Variants in RBFOX3 observed in about 807,000 individuals in gnomAD.
RBFOX3 encodes RNA binding fox-1 homolog 3.
In RBFOX3, 17 loss-of-function variants were observed where a neutral mutation model predicts 48.7. That is an observed-to-expected ratio of 0.35 (90% CI 0.24 to 0.52). RBFOX3 has a LOEUF of 0.52. Among genes scored for constraint, RBFOX3 ranks in the 20% least tolerant of loss-of-function variants. The probability of loss-of-function intolerance (pLI) is 0.94; values close to 1 mark genes in which losing one functional copy is unlikely to be tolerated. For missense variants in RBFOX3, 382 were observed against 497.5 expected, an observed-to-expected ratio of 0.77 and a Z score of 2.21; for synonymous variants, 212 against 209.5, an observed-to-expected ratio of 1.01 and a Z score of -0.10.
intron 4 of RBFOX3, among the ~76,000 whole-genome samples, chr17:79,215,220 G>T (rs951783480): frequency 1.3e-5 from 2 of 151,810 alleles, no homozygotes; most frequent in African/African-American, 4.9e-5. Flanking sequence ...GCCCCAGACT[G>T]CATGCTGCCG....
At chr17:79,652,256 A>G in the RBFOX3 span, among the ~76,000 whole-genome samples, 68 of 152,322 alleles carry the variant, frequency 4.5e-4, no homozygotes, top group African/African-American at 1.6e-3. Context: ...ATGAGAAAAG[A>G]TACTACATCC....
intron 2 of RBFOX3, among the ~76,000 whole-genome samples, chr17:79,440,993 A>C (rs1371883304): frequency 6.6e-6 from 1 of 152,264 alleles, no homozygotes; most frequent in African/African-American, 2.4e-5. Context: ...ATGTCCCGCC[A>C]GAGCTGGCTT....
chr17:79,158,050 TGGGGTCA>T (rs2145174913), intron 4 of RBFOX3, among the ~76,000 whole-genome samples: 1 of 152,286 alleles, frequency 6.6e-6, no homozygotes, highest in East Asian at 1.9e-4. Context: ...TACATTACAC[TGGGGTCA>T]TTAGGGTGGG....
chr17:79,356,348 GTTTTTTTTTTTTTTTTTTTTT>G lies in RBFOX3; in HGVS notation c.-174-48545_-174-48525del, dbSNP rs58040659. ...ACTTTTTCACTTTTAAAACAGGGAAGTTTTTTTTTTTTTTTTTTTTTTTTTTTTTTTTTTTTTTGAGGAGGA... is the reference window on the plus strand; with the variant it reads ...ACTTTTTCACTTTTAAAACAGGGAAGTTTTTTTTTTTTTTTTTGAGGAGGA... On this transcript the variant is annotated intron_variant, in intron 2 of 14. Transcript: ENST00000693108. Among the ~76,000 whole-genome samples the G allele has an allele frequency of 1.5e-4, 7 of 47,270 alleles. 1 individual carries two copies. The highest frequency in any genetic ancestry group is 3.2e-4 in the African/African-American group (4 of 12,468). 31.0% of individuals were successfully genotyped at this position (47,270 alleles called of 152,430 possible).
At chr17:79,551,599 G>A (rs1226372162) in intron 1 of RBFOX3, among the ~76,000 whole-genome samples, 4 of 152,096 alleles carry the variant, frequency 2.6e-5, no homozygotes, top group East Asian at 1.9e-4. Flanking sequence ...CCTCATGAAC[G>A]TCTTGGTGCC....
At chr17:79,593,950 G>A (rs2093496071) in intron 1 of RBFOX3, among the ~76,000 whole-genome samples, 1 of 152,128 alleles carries the variant, frequency 6.6e-6, no homozygotes, top group African/African-American at 2.4e-5. Flanking sequence ...TTGGGCACCT[G>A]GGGAATCCAT....
At chr17:79,450,365 A>C (rs551108005) in intron 2 of RBFOX3, among the ~76,000 whole-genome samples, 13 of 152,282 alleles carry the variant, frequency 8.5e-5, no homozygotes, top group Non-Finnish European at 1.8e-4. Flanking sequence ...ACGGGGAAAA[A>C]ACACCGGAGC....
the RBFOX3 span, among the ~76,000 whole-genome samples, chr17:79,652,893 A>C: frequency 6.6e-6 from 1 of 152,174 alleles, no homozygotes; most frequent in African/African-American, 2.4e-5. Context: ...TGAAAACTAT[A>C]GGCACACCTT....
At chr17:79,497,942 AC>A (rs1355691230) in intron 1 of RBFOX3, among the ~76,000 whole-genome samples, 4 of 152,096 alleles carry the variant, frequency 2.6e-5, no homozygotes, top group African/African-American at 9.7e-5. Flanking sequence ...CTTGGACCAG[AC>A]CCCTAGAAGA....
intron 3 of RBFOX3, among the ~76,000 whole-genome samples, chr17:79,267,051 T>A (rs1006589): frequency 6.6e-6 from 1 of 151,944 alleles, no homozygotes. Flanking sequence ...GTCCTGAAAC[T>A]AGGAGCTGGC....
chr17:79,326,091 G>T (rs1470283341), intron 2 of RBFOX3, among the ~76,000 whole-genome samples: 2 of 152,156 alleles, frequency 1.3e-5, no homozygotes, highest in Non-Finnish European at 2.9e-5. Flanking sequence ...TAGCAAGAGG[G>T]GAAATCAATT....
At chr17:79,608,046 TGAGGGC>T (rs1410987878) in intron 1 of RBFOX3, among the ~76,000 whole-genome samples, 1 of 152,174 alleles carries the variant, frequency 6.6e-6, no homozygotes, top group Admixed American at 6.5e-5. Flanking sequence ...CTCAGCAGCC[TGAGGGC>T]GGCCGCCCGC....
chr17:79,245,217 C>T (rs759332833), intron 3 of RBFOX3, among the ~76,000 whole-genome samples: 3 of 151,984 alleles, frequency 2.0e-5, no homozygotes, highest in Non-Finnish European at 2.9e-5. Flanking sequence ...GGTCTACAGG[C>T]GTACGCCACC....
upstream of RBFOX3, among the ~76,000 whole-genome samples, chr17:79,611,580 TGCC>T (rs2093970414): frequency 6.6e-6 from 1 of 152,128 alleles, no homozygotes; most frequent in Non-Finnish European, 1.5e-5. Flanking sequence ...ACAGGACCCC[TGCC>T]CTTGTGCCTC....
intron 3 of RBFOX3, among the ~76,000 whole-genome samples, chr17:79,293,689 G>T (rs563476649): frequency 1.3e-5 from 2 of 152,224 alleles, no homozygotes; most frequent in East Asian, 3.9e-4. Flanking sequence ...CTGGCCTCAG[G>T]TGATCTGCCT....
chr17:79,468,761 A>G (rs2076657606), intron 2 of RBFOX3, among the ~76,000 whole-genome samples: 1 of 151,712 alleles, frequency 6.6e-6, no homozygotes, highest in Non-Finnish European at 1.5e-5. Flanking sequence ...AGGAGGATGG[A>G]TGGATGGATA....
chr17:79,519,877 C>T (rs1402888683), intron 1 of RBFOX3, among the ~76,000 whole-genome samples: 1 of 152,176 alleles, frequency 6.6e-6, no homozygotes, highest in Non-Finnish European at 1.5e-5. Flanking sequence ...ACCAGCAGAG[C>T]TCCTGGCTGG....
intron 5 of RBFOX3, among the ~76,000 whole-genome samples, chr17:79,110,535 A>C (rs769505728): frequency 3.3e-5 from 5 of 152,154 alleles, no homozygotes; most frequent in Non-Finnish European, 5.9e-5. Flanking sequence ...GTTTTTGGAA[A>C]TCCCTTCCTC....
chr17:79,107,699 A>G lies in RBFOX3; in HGVS notation c.223-911T>C, dbSNP rs147161468. Among the ~76,000 whole-genome samples, 440 of 152,338 alleles carry G rather than the reference A, an allele frequency of 2.9e-3. 5 individuals carry two copies. The highest frequency in any genetic ancestry group is 1.0e-2 in the African/African-American group (415 of 41,586). On this transcript the variant is annotated intron_variant, in intron 5 of 14. Transcript: ENST00000693108. ...GCACGGGTGACTGTCCGAGGTGGCC[A>G]TTAGCTCATCACGACCTAGGCCCAG...
Sources: gnomAD v4.1 joint callset for allele counts (sites outside exome capture counted in the v4.1 genomes callset) on GRCh38, gnomAD v4.1.1 for gene constraint, MANE v1.5 for transcripts, NCBI Gene and HGNC (gene_info 2026-07-23, HGNC 2026-07-21) for gene names.